GAS2L3: variants seen among roughly 807,000 people sequenced by gnomAD.
GAS2L3 encodes the protein GAS2-like protein 3.
A neutral mutation model predicts 37.0 loss-of-function variants in GAS2L3; 28 were observed. The ratio of observed to expected loss-of-function variants is 0.76; its 90% CI spans 0.56 to 1.04. GAS2L3 has a LOEUF of 1.04. Among genes scored for constraint, GAS2L3 ranks in the 50% least tolerant of loss-of-function variants. The probability of loss-of-function intolerance (pLI) is 0.00; values close to 1 mark genes in which losing one functional copy is unlikely to be tolerated. For missense variants in GAS2L3, 793 were observed against 817.6 expected, an observed-to-expected ratio of 0.97 and a Z score of 0.37; for synonymous variants, 290 against 296.6, an observed-to-expected ratio of 0.98 and a Z score of 0.23.
At chr12:100,579,034 G>A (rs900809261) in intron 1 of GAS2L3, 1 of 776,298 alleles carries the variant, frequency 1.3e-6, no homozygotes, top group Non-Finnish European at 2.3e-6. Flanking sequence ...TGAAAGTCAT[G>A]TATAACCAGT....
In GAS2L3 at chr12:100,612,126, G is replaced by C. The variant is rs1430907080; in HGVS notation, c.430G>C (p.Glu144Gln). ...DIGVDETYLF[E>Q]SEGLVLHKDP... ...TGGGGTTGATGAAACTTACCTCTTT[G>C]AATCTGAAGGTTTAGGTAAGTGATG... is the stretch of plus-strand genomic sequence containing the variant. The change falls in exon 6 of 10, where the codon GAA (glutamate) becomes CAA (glutamine). Residue 144 changes from glutamate to glutamine, a missense_variant. Coordinates refer to ENST00000547754, the MANE Select transcript of GAS2L3 (RefSeq NM_174942.3). The C allele has an allele frequency of 6.2e-7, 1 of 1,613,320 alleles. No homozygotes were observed. The highest frequency in any genetic ancestry group is 8.5e-7 in the Non-Finnish European group (1 of 1,179,452).
intron 1 of GAS2L3, among the ~76,000 whole-genome samples, chr12:100,589,465 G>C (rs1955819863): frequency 6.6e-6 from 1 of 152,130 alleles, no homozygotes; most frequent in African/African-American, 2.4e-5. Flanking sequence ...TCATGGATGG[G>C]TAGAGTCAAT....
chr12:100,624,089 A>G lies in GAS2L3; in HGVS notation c.1284A>G (p.Ile428Met). 1 of 1,614,078 alleles carries G rather than the reference A, an allele frequency of 6.2e-7. No individual in the cohort carries two copies. The highest frequency in any genetic ancestry group is 8.5e-7 in the Non-Finnish European group (1 of 1,180,008). ...SPALPRTAPC[I>M]SESPRKCISS... is the part of the protein sequence containing the mutation. Reference sequence around the variant, plus strand: ...CTTTACCAAGAACTGCACCTTGTATATCTGAGTCACCGAGAAAATGTATTT... The same window carrying G: ...CTTTACCAAGAACTGCACCTTGTATGTCTGAGTCACCGAGAAAATGTATTT... Residue 428 changes from isoleucine to methionine, a missense_variant, in exon 10 of 10, where the codon ATA becomes ATG. Coordinates refer to ENST00000547754, the MANE Select transcript of GAS2L3 (RefSeq NM_174942.3).
intron 1 of GAS2L3, among the ~76,000 whole-genome samples, chr12:100,581,422 A>G (rs1422334741): frequency 2.6e-5 from 4 of 152,188 alleles, no homozygotes; most frequent in Admixed American, 1.3e-4. Context: ...TTTGTGAGAA[A>G]AGGACTGTGA....
rs186922456 is a variant in GAS2L3 at position 100,591,817 on chromosome 12, T to C, written c.-70T>C. On this transcript the variant is annotated 5_prime_UTR_variant, in exon 2 of 10. The change abolishes an upstream ATG in the 5' untranslated region. Coordinates refer to ENST00000547754, the MANE Select transcript of GAS2L3 (RefSeq NM_174942.3). Reference sequence around the variant, plus strand: ...TTCTGGAGCTGTAATTCAAATCAGATGTGTTCAATACCTTCTACTACCCCA... The same window carrying C: ...TTCTGGAGCTGTAATTCAAATCAGACGTGTTCAATACCTTCTACTACCCCA... 6.6e-6 allele frequency: 1 copy of C among 152,268 alleles called. No homozygotes were observed. The highest frequency in any genetic ancestry group is 1.9e-4 in the East Asian group (1 of 5,182). The allele number at this position is 152,268 out of a possible 1,614,324, so 9.4% of individuals were successfully genotyped here. A position where few individuals can be genotyped will look rare whatever the true frequency, so the allele number is the denominator to read the frequency against.
At chr12:100,617,997 T>G (rs1195132467) in intron 7 of GAS2L3, among the ~76,000 whole-genome samples, 190 bp downstream of exon 7, 1 of 152,218 alleles carries the variant, frequency 6.6e-6, no homozygotes, top group Non-Finnish European at 1.5e-5. Context: ...GAGTTCTCAA[T>G]ATAGCTTGTC....
intron 3 of GAS2L3, among the ~76,000 whole-genome samples, chr12:100,597,067 C>T (rs1835297589): frequency 6.6e-6 from 1 of 151,884 alleles, no homozygotes; most frequent in Admixed American, 6.6e-5. Flanking sequence ...CCAACATGTA[C>T]TCTTCTCTCT....
chr12:100,624,113 T>G lies in GAS2L3; in HGVS notation c.1308T>G (p.Ile436Met), dbSNP rs1401794432. The G allele has an allele frequency of 6.2e-7, 1 of 1,613,710 alleles. No homozygotes were observed. The highest frequency in any genetic ancestry group is 8.5e-7 in the Non-Finnish European group (1 of 1,179,970). Residue 436 changes from isoleucine to methionine, a missense_variant, in exon 10 of 10, where the codon ATT becomes ATG. Transcript: ENST00000547754. ...TATCTGAGTCACCGAGAAAATGTATTTCATCCCCCAATACCCCCAAGGCCA... is the reference window on the plus strand; with the variant it reads ...TATCTGAGTCACCGAGAAAATGTATGTCATCCCCCAATACCCCCAAGGCCA... The part of the protein sequence containing the change: ...PCISESPRKC[I>M]SSPNTPKAKV...
rs1249062175 is a variant in GAS2L3, at chr12:100,608,895, C to T, written c.304-3105C>T. On this transcript the variant is annotated intron_variant, in intron 5 of 9. Coordinates refer to ENST00000547754, the MANE Select transcript of GAS2L3 (RefSeq NM_174942.3). The stretch of plus-strand genomic sequence containing the variant: ...CTCAGACCACAAGCCAAAATCCTTC[C>T]CACTCTTTCTTCCTCTTTTTCTGGG... 2.0e-5 allele frequency among the ~76,000 whole-genome samples: 3 copies of T among 152,146 alleles called. No homozygotes were observed. The East Asian group carries it at 5.8e-4, about 29-fold the overall frequency.
At chr12:100,601,988 G>C (rs1955996198) in intron 5 of GAS2L3, among the ~76,000 whole-genome samples, 1 of 152,106 alleles carries the variant, frequency 6.6e-6, no homozygotes, top group Non-Finnish European at 1.5e-5. Context: ...TTCATAAAAT[G>C]AGATTAACAG....
At chr12:100,577,106 G>C (rs1209586406) in intron 1 of GAS2L3, among the ~76,000 whole-genome samples, 1 of 152,168 alleles carries the variant, frequency 6.6e-6, no homozygotes, top group African/African-American at 2.4e-5. Flanking sequence ...AAAGCACTGT[G>C]ATCCCAGTAA....
At chr12:100,574,039 G>C (rs1391230371) in intron 1 of GAS2L3, 2 of 152,348 alleles carry the variant, frequency 1.3e-5, no homozygotes, top group Non-Finnish European at 2.9e-5. Context: ...ACCCAAGTGC[G>C]GAGAGAGGGG....
At chr12:100,599,206 A>T (rs1195630657) in intron 3 of GAS2L3, among the ~76,000 whole-genome samples, 1 of 152,200 alleles carries the variant, frequency 6.6e-6, no homozygotes, top group South Asian at 2.1e-4. Flanking sequence ...GACAAGAGAT[A>T]TTTATATCTG....
chr12:100,621,917 G>A (rs1345172702), intron 8 of GAS2L3, among the ~76,000 whole-genome samples: 1 of 151,000 alleles, frequency 6.6e-6, no homozygotes, highest in Non-Finnish European at 1.5e-5. Flanking sequence ...GAAAGAGAGA[G>A]AGAGAGGCAC....
chr12:100,596,566 T>C (rs1364308108), intron 3 of GAS2L3, among the ~76,000 whole-genome samples: 1 of 152,102 alleles, frequency 6.6e-6, no homozygotes, highest in East Asian at 1.9e-4. Context: ...TCCACCTCTT[T>C]CTCTGCCAAT....
At chr12:100,594,582 T>C in intron 2 of GAS2L3, among the ~76,000 whole-genome samples, 1 of 152,132 alleles carries the variant, frequency 6.6e-6, no homozygotes, top group Non-Finnish European at 1.5e-5. Context: ...CTAAGTTTTG[T>C]TGATTTTTTT....
At chr12:100,623,519 T>C in intron 9 of GAS2L3, 43 bp from the exon 10 acceptor site, 1 of 1,528,816 alleles carries the variant, frequency 6.5e-7, no homozygotes, top group Non-Finnish European at 8.8e-7. Context: ...ACTATAAACC[T>C]CACAGTATTA....
chr12:100,595,517 T>G (rs944417924), intron 3 of GAS2L3, among the ~76,000 whole-genome samples: 2 of 151,906 alleles, frequency 1.3e-5, no homozygotes, highest in African/African-American at 4.8e-5. Context: ...TATTCTTATT[T>G]TTTAAGTTTT....
At chr12:100,620,330 T>A (rs1388100442) in intron 8 of GAS2L3, among the ~76,000 whole-genome samples, 1 of 152,036 alleles carries the variant, frequency 6.6e-6, no homozygotes, top group Admixed American at 6.6e-5. Context: ...TGTATAGAAA[T>A]GAGAATGAAA....
Sources: gnomAD v4.1 joint callset for allele counts (sites outside exome capture counted in the v4.1 genomes callset) on GRCh38, gnomAD v4.1.1 for gene constraint, MANE v1.5 for transcripts, NCBI Gene and HGNC (gene_info 2026-07-23, HGNC 2026-07-21) for gene names.